Variants in DNAH12 observed in about 807,000 individuals in gnomAD.
The protein encoded by DNAH12 is axonemal beta dynein heavy chain 12.
A neutral mutation model predicts 371.5 loss-of-function variants in DNAH12; 285 were observed. The observed-to-expected ratio is 0.77, with a 90% CI of 0.70 to 0.85. The LOEUF (loss-of-function observed/expected upper bound fraction) is 0.85. Ranked by LOEUF, DNAH12 falls within the 40% of genes least tolerant of loss-of-function variation. The pLI is 0.00. For synonymous variants in DNAH12, 1,200 were observed against 1,213.0 expected (o/e 0.99, Z 0.22); for missense variants, 3,611 against 3,689.4 (o/e 0.98, Z 0.55).
At chr3:57,432,580 G>A (rs1318287892) in intron 32 of DNAH12, among the ~76,000 whole-genome samples, 2 of 151,926 alleles carry the variant, frequency 1.3e-5, no homozygotes, top group Non-Finnish European at 2.9e-5. Context: ...TCACACACTA[G>A]GATACTAATA....
rs1559657213 is a variant in DNAH12, at chr3:57,436,816, T to TG, written c.4655+134dup. Reference sequence around the variant, plus strand: ...AATAAACCTTTGCCTTTTAAGCCACTGGGGGGCCAGGGGGCGGGCGGGGGT... The same window carrying TG: ...AATAAACCTTTGCCTTTTAAGCCACTGGGGGGGCCAGGGGGCGGGCGGGGGT... On this transcript the variant is annotated intron_variant, in intron 30 of 73. Transcript: ENST00000495027. The TG allele has an allele frequency of 6.9e-6, 4 of 576,750 alleles. No individual in the cohort carries two copies. In the East Asian group the frequency reaches 1.3e-4, roughly 19 times the overall value. 35.7% of individuals were successfully genotyped at this position (576,750 alleles called of 1,614,324 possible). A position where few individuals can be genotyped will look rare whatever the true frequency, so the allele number is the denominator to read the frequency against.
intron 43 of DNAH12, among the ~76,000 whole-genome samples, chr3:57,398,688 A>G (rs2063794785): frequency 6.6e-6 from 1 of 152,212 alleles, no homozygotes; most frequent in South Asian, 2.1e-4. Context: ...ACCAAGGACA[A>G]TGTATCTGGT....
At chr3:57,494,582 T>C (rs1043071280) in intron 11 of DNAH12, among the ~76,000 whole-genome samples, 6 of 151,526 alleles carry the variant, frequency 4.0e-5, no homozygotes, top group African/African-American at 7.3e-5. Context: ...AAACAAAACA[T>C]TGTACTAAAA....
At chr3:57,528,013 T>C (rs2068707229) in intron 2 of DNAH12, among the ~76,000 whole-genome samples, 1 of 34,506 alleles carries the variant, frequency 2.9e-5, no homozygotes, top group Admixed American at 1.9e-4. Flanking sequence ...TAGTCTTAGA[T>C]TTAAGTCTTT....
At chr3:57,387,584 C>T (rs1378724361) in intron 45 of DNAH12, among the ~76,000 whole-genome samples, 4 of 152,088 alleles carry the variant, frequency 2.6e-5, no homozygotes, top group African/African-American at 9.7e-5. Flanking sequence ...CTAGCCCCTT[C>T]TTCCTTAGGA....
At chr3:57,438,004 T>C (rs2065181534) in intron 29 of DNAH12, among the ~76,000 whole-genome samples, 1 of 152,208 alleles carries the variant, frequency 6.6e-6, no homozygotes. Flanking sequence ...TCATGATTTT[T>C]CTGCAGGAAA....
chr3:57,331,684 AC>A (rs1163836670), intron 62 of DNAH12, among the ~76,000 whole-genome samples: 1 of 152,104 alleles, frequency 6.6e-6, no homozygotes, highest in Non-Finnish European at 1.5e-5. Flanking sequence ...CACTTTCAAA[AC>A]CTTCATATTT....
chr3:57,338,402 A>G (rs6795059), intron 60 of DNAH12, among the ~76,000 whole-genome samples: 20 of 141,588 alleles, frequency 1.4e-4, no homozygotes, highest in African/African-American at 5.1e-4. Context: ...CGGCCGCCAC[A>G]CTGTCTAGGA....
At chr3:57,303,728 C>T (rs1020886944) in intron 69 of DNAH12, among the ~76,000 whole-genome samples, 3 of 152,000 alleles carry the variant, frequency 2.0e-5, no homozygotes, top group Non-Finnish European at 4.4e-5. Context: ...GGGAAAATTC[C>T]AATGAAATGA....
chr3:57,367,106 T>A (rs981664700), intron 56 of DNAH12, among the ~76,000 whole-genome samples, 185 bp from the exon 57 acceptor site: 6 of 152,118 alleles, frequency 3.9e-5, no homozygotes, highest in Non-Finnish European at 7.3e-5. Flanking sequence ...GGCAAGTGGA[T>A]CACTGGAGGT....
chr3:57,408,679 A>AT, intron 39 of DNAH12, 144 bp from the exon 40 acceptor site: 30 of 1,077,910 alleles, frequency 2.8e-5, no homozygotes, highest in African/African-American at 3.3e-5. Context: ...TAGGAGAGAA[A>AT]TTTTTTTTAA....
intron 39 of DNAH12, among the ~76,000 whole-genome samples, chr3:57,409,552 GA>G (rs1227042144): frequency 1.3e-5 from 2 of 151,738 alleles, no homozygotes; most frequent in African/African-American, 4.8e-5. Context: ...GACTTATATA[GA>G]AAAAAATCAC....
chr3:57,361,534 C>G (rs2153328820), intron 58 of DNAH12, among the ~76,000 whole-genome samples: 1 of 149,494 alleles, frequency 6.7e-6, no homozygotes, highest in African/African-American at 2.5e-5. Context: ...CTATTTGCCT[C>G]TCTTCCTCTA....
At chr3:57,411,405 G>A (rs2064196470) in intron 39 of DNAH12, among the ~76,000 whole-genome samples, 1 of 151,866 alleles carries the variant, frequency 6.6e-6, no homozygotes, top group Non-Finnish European at 1.5e-5. Flanking sequence ...GCACATGCCT[G>A]TAATCCCAGC....
chr3:57,505,342 C>A (rs1043854397), intron 8 of DNAH12, among the ~76,000 whole-genome samples: 1 of 150,758 alleles, frequency 6.6e-6, no homozygotes, highest in Admixed American at 6.7e-5. Context: ...ATTTTTAGCT[C>A]CCACAAATAA....
rs2065449392 is a variant in DNAH12 at position 57,445,289 on chromosome 3, G to A, written c.4310C>T (p.Ser1437Leu). The change falls in exon 28 of 74, where the codon TCA becomes TTA. Residue 1437 changes from serine (S) to leucine (L), a missense_variant. Around this residue, in one of 3 missense-constraint regions of DNAH12, gnomAD observed 2,266 missense variants for 2,236.9 expected, o/e 1.01. Transcript: ENST00000495027. ...VKIVMTYRLC[S>L]EQLSSQFHYD... ...ATGAAATTGCGATGAGAGCTGCTCT[G>A]AGCAAAGCCTATAGGTCATTACTAT... 1 of 1,551,544 alleles carries A rather than the reference G, an allele frequency of 6.4e-7. No homozygotes were observed. Among genetic ancestry groups the A allele is most frequent in the Non-Finnish European group, 8.7e-7 (1 of 1,146,932 alleles).
chr3:57,397,584 A>G (rs999489495), intron 43 of DNAH12, among the ~76,000 whole-genome samples: 9,820 of 152,274 alleles, frequency 0.064, 1,059 homozygotes, highest in African/African-American at 0.22. Context: ...TTAGAGCAGC[A>G]GAAGCTGCAG....
chr3:57,501,263 G>T, intron 11 of DNAH12, 58 bp downstream of exon 11: 1 of 1,264,014 alleles, frequency 7.9e-7, no homozygotes, highest in Non-Finnish European at 1.1e-6. Context: ...AGAATGGAAA[G>T]ATCCTAATGT....
chr3:57,331,142 C>G (rs2062085982), intron 62 of DNAH12, among the ~76,000 whole-genome samples: 1 of 151,976 alleles, frequency 6.6e-6, no homozygotes, highest in African/African-American at 2.4e-5. Context: ...AGTGGGAGAC[C>G]CTAAAAAGTA....
Sources: allele counts gnomAD v4.1 joint callset (sites outside exome capture counted in the v4.1 genomes callset), GRCh38; gene constraint gnomAD v4.1.1; regional missense constraint gnomAD v4.1.1; transcripts MANE v1.5; gene names NCBI Gene and HGNC (gene_info 2026-07-23, HGNC 2026-07-21).